TSNARE1: variants seen among roughly 807,000 people sequenced by gnomAD.
TSNARE1 encodes t-SNARE domain-containing protein 1.
A neutral mutation model predicts 62.0 loss-of-function variants in TSNARE1; 49 were observed. The ratio of observed to expected loss-of-function variants is 0.79; its 90% CI spans 0.63 to 1.00. TSNARE1 has a LOEUF of 1.00. Ranked by LOEUF, TSNARE1 falls within the 50% of genes least tolerant of loss-of-function variation. TSNARE1 has a pLI of 0.00. For missense variants in TSNARE1, 755 were observed against 700.1 expected (o/e 1.08, Z -0.88); for synonymous variants, 328 against 294.4 (o/e 1.11, Z -1.17).
At chr8:142,290,274 T>C (rs945732320) in intron 10 of TSNARE1, among the ~76,000 whole-genome samples, 5 of 152,018 alleles carry the variant, frequency 3.3e-5, no homozygotes, top group African/African-American at 4.8e-5. Flanking sequence ...GCAGCAGCAG[T>C]TCTGGTGCTG....
intron 1 of TSNARE1, among the ~76,000 whole-genome samples, chr8:142,359,732 C>T (rs1281590837): frequency 1.3e-5 from 2 of 152,134 alleles, no homozygotes; most frequent in East Asian, 1.9e-4. Context: ...CTGATCCTCA[C>T]GACACTTGTG....
At chr8:142,256,100 TCAC>T (rs1435498509) in intron 12 of TSNARE1, among the ~76,000 whole-genome samples, 6 of 61,004 alleles carry the variant, frequency 9.8e-5, no homozygotes, top group East Asian at 5.6e-4. Context: ...ACTGTCAGCA[TCAC>T]CACCACCATC....
chr8:142,381,794 G>A (rs550812170), intron 1 of TSNARE1, among the ~76,000 whole-genome samples: 4 of 152,180 alleles, frequency 2.6e-5, no homozygotes, highest in African/African-American at 4.8e-5. Flanking sequence ...GCAGCTCGGC[G>A]TCCTGGGCCA....
Position 142,319,831 on chromosome 8 carries a change from G to A in TSNARE1, c.894-1197C>T, listed in dbSNP as rs1050127791. 1.3e-5 allele frequency among the ~76,000 whole-genome samples: 2 copies of A among 152,162 alleles called. No homozygotes were observed. The highest frequency in any genetic ancestry group is 2.4e-5 in the African/African-American group (1 of 41,448). ...CACCCAGCAGGCTAGAGAGGGTGTG[G>A]GCCAAGGAGGGCAAGGAGCCATAAG... On this transcript the variant is annotated intron_variant, in intron 6 of 13. Transcript: ENST00000524325. The surrounding 1 kb of genome is among the most constrained non-coding windows in gnomAD (Gnocchi z 4.9).
At chr8:142,223,531 TTCAC>T (rs1202664427) in intron 13 of TSNARE1, among the ~76,000 whole-genome samples, 1 of 118,714 alleles carries the variant, frequency 8.4e-6, no homozygotes, top group African/African-American at 3.4e-5. Flanking sequence ...CACTCACTCA[TTCAC>T]TCATTCACTC....
chr8:142,373,378 G>A (rs1263105302), intron 1 of TSNARE1, among the ~76,000 whole-genome samples: 2 of 152,166 alleles, frequency 1.3e-5, no homozygotes, highest in East Asian at 3.9e-4. Context: ...GGCTGGGAGA[G>A]AGGAGGCTGG....
At chr8:142,271,789 T>C (rs961908267) in intron 12 of TSNARE1, 8 of 806,396 alleles carry the variant, frequency 9.9e-6, no homozygotes, top group Non-Finnish European at 1.4e-5. Context: ...GTGAGGCCTC[T>C]GCACCTGGAG....
chr8:142,223,313 C>CTCACTCATTCACTCATTCACTCACTCGT (rs1554624427), intron 13 of TSNARE1, among the ~76,000 whole-genome samples: 764 of 62,814 alleles, frequency 0.012, 71 homozygotes, highest in African/African-American at 0.038. Context: ...CACTCATTCA[C>CTCACTCATTCACTCATTCACTCACTCGT]TCACTCATTC....
chr8:142,221,354 G>T (rs1816201959), intron 13 of TSNARE1, among the ~76,000 whole-genome samples: 1 of 152,228 alleles, frequency 6.6e-6, no homozygotes, highest in Non-Finnish European at 1.5e-5. Context: ...CAAAGGCCAT[G>T]CCAGGAAGCA....
intron 1 of TSNARE1, among the ~76,000 whole-genome samples, chr8:142,372,225 C>T (rs963925447): frequency 5.9e-5 from 9 of 152,314 alleles, no homozygotes; most frequent in Non-Finnish European, 8.8e-5. Flanking sequence ...CCCGCAGGTC[C>T]GCAGCACGAC....
At chr8:142,248,863 G>A (rs950099836) in intron 12 of TSNARE1, among the ~76,000 whole-genome samples, 1 of 152,214 alleles carries the variant, frequency 6.6e-6, no homozygotes. Context: ...GATGGTTCTC[G>A]GGAGCAGGGG....
At chr8:142,253,595 G>A (rs967759593) in intron 12 of TSNARE1, among the ~76,000 whole-genome samples, 1 of 151,344 alleles carries the variant, frequency 6.6e-6, no homozygotes. Flanking sequence ...GCAGTAGGGC[G>A]GTCACCCCCT....
chr8:142,232,778 C>T (rs953742533), intron 12 of TSNARE1, among the ~76,000 whole-genome samples: 3 of 152,240 alleles, frequency 2.0e-5, no homozygotes, highest in African/African-American at 7.2e-5. Flanking sequence ...ATGCCAGATG[C>T]TGGGGCTGAG....
At chr8:142,313,246 ATGTC>A (rs1402333450) in intron 9 of TSNARE1, among the ~76,000 whole-genome samples, 1 of 147,674 alleles carries the variant, frequency 6.8e-6, no homozygotes, top group Non-Finnish European at 1.5e-5. Context: ...ATGTGTCTAG[ATGTC>A]TGTGTTTATC....
upstream of TSNARE1, chr8:142,404,995 A>G (rs1838555101): frequency 6.6e-6 from 1 of 152,188 alleles, no homozygotes; most frequent in Non-Finnish European, 1.5e-5. Flanking sequence ...GTGCCTGGAC[A>G]CTGCAGGGGG....
intron 11 of TSNARE1, chr8:142,275,658 G>C: frequency 1.0e-6 from 1 of 985,444 alleles, no homozygotes; most frequent in Non-Finnish European, 1.2e-6. Flanking sequence ...CCTTCTTCCC[G>C]GAGGGAGGTT....
intron 1 of TSNARE1, among the ~76,000 whole-genome samples, chr8:142,373,719 G>T (rs1836072636): frequency 6.7e-6 from 1 of 149,792 alleles, no homozygotes; most frequent in African/African-American, 2.5e-5. Flanking sequence ...AACCACCAGA[G>T]ACCTGCCTGC....
At chr8:142,308,770 A>G (rs1292332552) in intron 9 of TSNARE1, among the ~76,000 whole-genome samples, 1 of 152,182 alleles carries the variant, frequency 6.6e-6, no homozygotes, top group African/African-American at 2.4e-5. Flanking sequence ...ACATTTTGGA[A>G]TCAGCTTGAC....
rs1586835971 is a variant in TSNARE1, at chr8:142,245,715, A to G, written c.1447-16136T>C. On this transcript the variant is annotated intron_variant, in intron 12 of 13. Coordinates refer to ENST00000524325, the MANE Select transcript of TSNARE1 (RefSeq NM_145003.5). Reference sequence around the variant, plus strand: ...CTACATAAGAGCAATGGAATAACAGACACGCAATTTGGGGACAAGATTAGG... The same window carrying G: ...CTACATAAGAGCAATGGAATAACAGGCACGCAATTTGGGGACAAGATTAGG... Among the ~76,000 whole-genome samples, 4 of 152,334 alleles carry G rather than the reference A, an allele frequency of 2.6e-5. No homozygotes were observed. The South Asian group carries it at 6.2e-4, about 24-fold the overall frequency.
Sources: allele counts gnomAD v4.1 joint callset (sites outside exome capture counted in the v4.1 genomes callset), GRCh38; gene constraint gnomAD v4.1.1; non-coding constraint Gnocchi (gnomAD v3.1); transcripts MANE v1.5; gene names NCBI Gene and HGNC (gene_info 2026-07-23, HGNC 2026-07-21).